The following OCA2 variants were observed in gnomAD, a reference collection of about 807,000 sequenced individuals.
The protein encoded by OCA2 is P protein.
In OCA2, 77 loss-of-function variants were observed where a neutral mutation model predicts 100.2. That is an observed-to-expected ratio of 0.77 (90% CI 0.64 to 0.93). The LOEUF is 0.93. Among genes scored for constraint, OCA2 ranks in the 40% least tolerant of loss-of-function variants. The pLI is 0.00. For missense variants in OCA2, 1,062 were observed against 1,089.1 expected (o/e 0.98, Z 0.35); for synonymous variants, 432 against 439.2 (o/e 0.98, Z 0.21).
intron 3 of OCA2, among the ~76,000 whole-genome samples, chr15:28,031,321 A>G (rs1306487626): frequency 6.6e-6 from 1 of 152,140 alleles, no homozygotes; most frequent in Non-Finnish European, 1.5e-5. Flanking sequence ...GATATTTTTT[A>G]TTATTTCAGT....
the OCA2 span, among the ~76,000 whole-genome samples, chr15:27,721,786 C>T: frequency 6.6e-6 from 1 of 152,152 alleles, no homozygotes; most frequent in Admixed American, 6.5e-5. Context: ...AATTCTTACT[C>T]TCTTGTTTAA....
rs1438030048 is a variant in OCA2 at position 27,886,762 on chromosome 15, C to T, written c.2080-14840G>A. On this transcript the variant is annotated intron_variant, in intron 19 of 23. Transcript: ENST00000354638. ...AATTCCAAGGAACTTCCAGTCCAGA[C>T]AAAATGATATAGACCCCAAACTCCC... Among the ~76,000 whole-genome samples, 6 of 152,114 alleles carry T rather than the reference C, an allele frequency of 3.9e-5. No homozygotes were observed. The East Asian group carries it at 9.6e-4, about 24-fold the overall frequency.
rs530527327 is a variant in OCA2, at chr15:27,773,731, AC to A, written c.2433-18260del. 2.6e-5 allele frequency among the ~76,000 whole-genome samples: 4 copies of A among 152,354 alleles called. No individual in the cohort carries two copies. In the South Asian group the frequency reaches 8.3e-4, roughly 32 times the overall value. ...TAACAGACACAGACAGGTTTCTGTA[AC>A]TTTAGTAGACATGTGAAACTTGGCT... On this transcript the variant is annotated intron_variant, in intron 23 of 23. Transcript: ENST00000354638.
the OCA2 span, among the ~76,000 whole-genome samples, chr15:27,734,507 T>C: frequency 1.3e-5 from 2 of 152,134 alleles, no homozygotes; most frequent in African/African-American, 4.8e-5. Context: ...ACTGGGCCTG[T>C]CATAGTTAAA....
chr15:27,798,003 A>G (rs1303445004), intron 23 of OCA2, among the ~76,000 whole-genome samples: 1 of 152,242 alleles, frequency 6.6e-6, no homozygotes, highest in Non-Finnish European at 1.5e-5. Context: ...CAGGGAGGGC[A>G]TGTGAGCAGC....
chr15:28,030,380 G>A (rs2042876831), intron 3 of OCA2, among the ~76,000 whole-genome samples: 1 of 152,138 alleles, frequency 6.6e-6, no homozygotes, highest in South Asian at 2.1e-4. Flanking sequence ...TTGGTGGGTG[G>A]GGCAGAGACA....
rs1166478198 is a variant in OCA2, at chr15:27,771,029, C to T, written c.2433-15557G>A. ...CTTCCCTTCTTTTCTTCTTTCCTTC[C>T]CTCCCTCCCTCTTTTCCTTCCTTTC... On this transcript the variant is annotated intron_variant, in intron 23 of 23. Coordinates refer to ENST00000354638, the MANE Select transcript of OCA2 (RefSeq NM_000275.3). 2.0e-5 allele frequency among the ~76,000 whole-genome samples: 3 copies of T among 147,340 alleles called. No homozygotes were observed. The East Asian group carries it at 6.2e-4, about 31-fold the overall frequency.
At chr15:27,777,042 G>A (rs1475161834) in intron 23 of OCA2, among the ~76,000 whole-genome samples, 1 of 152,058 alleles carries the variant, frequency 6.6e-6, no homozygotes, top group African/African-American at 2.4e-5. Flanking sequence ...TCTCCAGAGG[G>A]AGCTTTGTCC....
intron 7 of OCA2, among the ~76,000 whole-genome samples, chr15:28,018,096 C>T (rs62007484): frequency 1.4e-5 from 2 of 144,728 alleles, no homozygotes; most frequent in Non-Finnish European, 1.5e-5. Flanking sequence ...TTCAACGACA[C>T]CAAAAAAAAA....
intron 22 of OCA2, among the ~76,000 whole-genome samples, chr15:27,850,231 CCTCAGGGCCCTGTGCA>C (rs1367955304): frequency 1.3e-5 from 2 of 152,138 alleles, no homozygotes; most frequent in African/African-American, 4.8e-5. Context: ...TCCAGTCTCT[CCTCAGGGCCCTGTGCA>C]CTCAGGGCAC....
intron 15 of OCA2, among the ~76,000 whole-genome samples, chr15:27,965,370 C>A (rs1247789091): frequency 6.6e-6 from 1 of 152,144 alleles, no homozygotes; most frequent in Non-Finnish European, 1.5e-5. Context: ...TAGGTCCAGC[C>A]CCCAGGTAAG....
intron 23 of OCA2, among the ~76,000 whole-genome samples, chr15:27,842,689 C>T (rs1188114214): frequency 6.6e-6 from 1 of 152,204 alleles, no homozygotes; most frequent in African/African-American, 2.4e-5. Flanking sequence ...GACACACTCT[C>T]CATCCAAGAA....
chr15:27,884,384 A>C (rs866311420), intron 19 of OCA2, among the ~76,000 whole-genome samples: 7 of 152,308 alleles, frequency 4.6e-5, no homozygotes, highest in Admixed American at 2.0e-4. Flanking sequence ...CAAAATAAAT[A>C]AATAAGTAAA....
chr15:27,876,246 C>T (rs1338973176), intron 19 of OCA2, among the ~76,000 whole-genome samples: 1 of 152,050 alleles, frequency 6.6e-6, no homozygotes, highest in Non-Finnish European at 1.5e-5. Flanking sequence ...CTCCTGCAAT[C>T]TGTTAATATG....
At chr15:27,835,896 C>A (rs1174115698) in intron 23 of OCA2, among the ~76,000 whole-genome samples, 1 of 152,202 alleles carries the variant, frequency 6.6e-6, no homozygotes, top group Non-Finnish European at 1.5e-5. Flanking sequence ...GAAAAGTATA[C>A]AGTGGAGGGG....
At chr15:27,772,681 A>T (rs2031951676) in intron 23 of OCA2, among the ~76,000 whole-genome samples, 1 of 152,090 alleles carries the variant, frequency 6.6e-6, no homozygotes, top group African/African-American at 2.4e-5. Context: ...TCTCTACTAA[A>T]AATACAAAAA....
At chr15:27,737,812 T>G in the OCA2 span, among the ~76,000 whole-genome samples, 3 of 152,202 alleles carry the variant, frequency 2.0e-5, no homozygotes, top group Non-Finnish European at 4.4e-5. Context: ...AAGGCAGTCA[T>G]TGATCCAGAG....
rs538927871 is a variant in OCA2, at chr15:27,989,735, G to A, written c.1117-69C>T. 3.9e-4 allele frequency: 528 copies of A among 1,367,838 alleles called. 8 individuals carry two copies. In the South Asian group the frequency reaches 5.6e-3, roughly 15 times the overall value. 84.7% of individuals were successfully genotyped at this position (1,367,838 alleles called of 1,614,324 possible). On this transcript the variant is annotated intron_variant, in intron 10 of 23. Coordinates refer to ENST00000354638, the MANE Select transcript of OCA2 (RefSeq NM_000275.3). ...ATCCCAGTGATGAGCCTAATGAAGCGCTGCCCCCTGCTGCAGACCCACTCA... is the reference window on the plus strand; with the variant it reads ...ATCCCAGTGATGAGCCTAATGAAGCACTGCCCCCTGCTGCAGACCCACTCA...
chr15:28,048,214 A>T (rs578100551), intron 2 of OCA2, among the ~76,000 whole-genome samples: 1 of 152,336 alleles, frequency 6.6e-6, no homozygotes, highest in South Asian at 2.1e-4. Context: ...TCAGTGCAAC[A>T]CCTATCAAAA....
Sources: allele counts gnomAD v4.1 joint callset (sites outside exome capture counted in the v4.1 genomes callset), GRCh38; gene constraint gnomAD v4.1.1; transcripts MANE v1.5; gene names NCBI Gene and HGNC (gene_info 2026-07-23, HGNC 2026-07-21).